ABLIM2: variants seen among roughly 807,000 people sequenced by gnomAD.
ABLIM2 encodes actin-binding LIM protein 2.
In ABLIM2, 53 loss-of-function variants were observed where a neutral mutation model predicts 97.7. That is an observed-to-expected ratio of 0.54 (90% CI 0.44 to 0.68). The LOEUF (loss-of-function observed/expected upper bound fraction) is 0.68. ABLIM2 is among the 30% of genes least tolerant of loss of function. ABLIM2 has a pLI of 0.00. For missense variants in ABLIM2, 835 were observed against 867.2 expected (o/e 0.96, Z 0.47); for synonymous variants, 361 against 345.8 (o/e 1.04, Z -0.49).
intron 12 of ABLIM2, among the ~76,000 whole-genome samples, chr4:8,026,918 G>C (rs1777784266): frequency 1.4e-5 from 2 of 145,798 alleles, no homozygotes; most frequent in Non-Finnish European, 3.0e-5. Flanking sequence ...TTACCTGAGT[G>C]TGTGTGTCTG....
Position 7,992,855 on chromosome 4 carries a change from T to C in ABLIM2, c.1680+11A>G, listed in dbSNP as rs752092614. 2 of 1,611,088 alleles carry C rather than the reference T, an allele frequency of 1.2e-6. No homozygotes were observed. The highest frequency in any genetic ancestry group is 1.7e-6 in the Non-Finnish European group (2 of 1,179,118). ...TTAGTACCCTGTGGCCAGGGAGGGG[T>C]CAGTACCTACCCGCTGGTCCAAGCC... On this transcript the variant is annotated intron_variant, in intron 17 of 20. Coordinates refer to ENST00000447017, the MANE Select transcript of ABLIM2 (RefSeq NM_001130083.2). This position sits in a 1 kb window ranked among gnomAD's most constrained non-coding sequence, Gnocchi z 5.7.
At chr4:8,000,216 T>A (rs1267876485) in intron 16 of ABLIM2, among the ~76,000 whole-genome samples, 1 of 152,092 alleles carries the variant, frequency 6.6e-6, no homozygotes, top group East Asian at 1.9e-4. Context: ...AGCTGCAGAC[T>A]TCAGAAGCAA....
intron 20 of ABLIM2, 71 bp from the exon 21 acceptor site, chr4:7,967,174 TGCC>T: frequency 3.1e-6 from 4 of 1,296,258 alleles, no homozygotes; most frequent in South Asian, 2.4e-5. Flanking sequence ...GGCAGTTTGC[TGCC>T]GCCAAGCAAT....
chr4:7,984,220 C>G (rs1741448888), intron 18 of ABLIM2, among the ~76,000 whole-genome samples: 1 of 152,244 alleles, frequency 6.6e-6, no homozygotes, highest in Non-Finnish European at 1.5e-5. Flanking sequence ...CCGTGTGGTT[C>G]TGGACCTGCT....
At chr4:8,012,552 A>G (rs1417073100) in intron 14 of ABLIM2, among the ~76,000 whole-genome samples, 3 of 130,008 alleles carry the variant, frequency 2.3e-5, no homozygotes, top group Non-Finnish European at 3.2e-5. Flanking sequence ...CCATCTACCC[A>G]CTCACCCATC....
In ABLIM2 at chr4:8,060,282, C is replaced by T. The variant is rs185644819; in HGVS notation, c.763+685G>A. On this transcript the variant is annotated intron_variant, in intron 7 of 20. Transcript: ENST00000447017. Reference sequence around the variant, plus strand: ...AGGGTTAATCTGGGAGGAGGAGAGACGACCAGTCCTCAAGTCTCGCCCTTT... The same window carrying T: ...AGGGTTAATCTGGGAGGAGGAGAGATGACCAGTCCTCAAGTCTCGCCCTTT... Among the ~76,000 whole-genome samples, 142 of 152,294 alleles carry T rather than the reference C, an allele frequency of 9.3e-4. 2 individuals carry two copies. In the East Asian group the frequency reaches 0.02, roughly 22 times the overall value.
At chr4:7,980,947 T>C (rs529494019) in intron 20 of ABLIM2, among the ~76,000 whole-genome samples, 2 of 124,880 alleles carry the variant, frequency 1.6e-5, no homozygotes, top group African/African-American at 6.4e-5. Flanking sequence ...CCTTATTTTT[T>C]TTTTTTTTTT....
intron 4 of ABLIM2, among the ~76,000 whole-genome samples, chr4:8,084,279 G>A (rs1010222902): frequency 7.2e-5 from 11 of 152,172 alleles, no homozygotes; most frequent in Non-Finnish European, 1.5e-4. Flanking sequence ...CCCAGAGCGG[G>A]ACGGGGGCTC....
intron 14 of ABLIM2, 60 bp from the exon 15 acceptor site, chr4:8,009,162 A>G: frequency 6.3e-7 from 1 of 1,590,862 alleles, no homozygotes; most frequent in Non-Finnish European, 8.6e-7. Flanking sequence ...TTTCTGCCTC[A>G]TGGTTTCCCA....
intron 1 of ABLIM2, among the ~76,000 whole-genome samples, chr4:8,154,242 G>A (rs1394014679): frequency 6.8e-5 from 10 of 148,064 alleles, no homozygotes; most frequent in Admixed American, 2.0e-4. Flanking sequence ...GATTACAGGC[G>A]TGAGCCACCG....
chr4:8,029,783 G>A lies in ABLIM2; in HGVS notation c.1048-7C>T. ...ACCGGTCATCCTGATCCCCCTGGGA[G>A]GGAAGATGCAGCTTGTGAACACTGG... On this transcript the variant is annotated splice_polypyrimidine_tract_variant and splice_region_variant and intron_variant, in intron 10 of 20. Transcript: ENST00000447017. 5 of 1,568,842 alleles carry A rather than the reference G, an allele frequency of 3.2e-6. No homozygotes were observed. In the South Asian group the frequency reaches 3.5e-5, roughly 11 times the overall value.
chr4:8,000,005 G>C (rs776710787), intron 16 of ABLIM2, among the ~76,000 whole-genome samples: 4 of 152,310 alleles, frequency 2.6e-5, no homozygotes, highest in Admixed American at 1.3e-4. Context: ...CAGCATCCGG[G>C]TCTGCTTTGT....
rs142273257 is a variant in ABLIM2 at position 8,044,949 on chromosome 4, G to A, written c.900+215C>T. 1.5e-3 allele frequency among the ~76,000 whole-genome samples: 236 copies of A among 152,326 alleles called. 1 individual carries two copies. The highest frequency in any genetic ancestry group is 2.7e-3 in the Non-Finnish European group (182 of 68,030). On this transcript the variant is annotated intron_variant, in intron 9 of 20. Transcript: ENST00000447017. This position sits in a 1 kb window ranked among gnomAD's most constrained non-coding sequence, Gnocchi z 4.4. Reference sequence around the variant, plus strand: ...GATAATTGGGGACAGGTTCCCAGGGGAATTGCCGGGTCAAACAAACATGTC... The same window carrying A: ...GATAATTGGGGACAGGTTCCCAGGGAAATTGCCGGGTCAAACAAACATGTC...
Position 8,044,687 on chromosome 4 carries a change from C to CTG in ABLIM2, c.900+476_900+477insCA, listed in dbSNP as rs1791078639. Among the ~76,000 whole-genome samples, 2 of 151,132 alleles carry CTG rather than the reference C, an allele frequency of 1.3e-5. No individual in the cohort carries two copies. The highest frequency in any genetic ancestry group is 2.4e-5 in the African/African-American group (1 of 40,840). On this transcript the variant is annotated intron_variant, in intron 9 of 20. Coordinates refer to ENST00000447017, the MANE Select transcript of ABLIM2 (RefSeq NM_001130083.2). This position sits in a 1 kb window ranked among gnomAD's most constrained non-coding sequence, Gnocchi z 4.4. ...ACACAGAGTCTCTCTCTCTCTCTCTCTCTCGAACGAACGAAAACGGGATCA... is the reference window on the plus strand; with the variant it reads ...ACACAGAGTCTCTCTCTCTCTCTCTCTGTCTCGAACGAACGAAAACGGGATCA...
Position 8,120,211 on chromosome 4 carries a change from C to T in ABLIM2, c.11-13574G>A, listed in dbSNP as rs1356961412. ...ACGTGGCAGGAAGCAAGAGCGGTGC[C>T]AGCGGGGAGCTCGAGCCATCTCTGT... On this transcript the variant is annotated intron_variant, in intron 1 of 20. Transcript: ENST00000447017. This position sits in a 1 kb window ranked among gnomAD's most constrained non-coding sequence, Gnocchi z 5.6. Among the ~76,000 whole-genome samples, 1 of 152,180 alleles carries T rather than the reference C, an allele frequency of 6.6e-6. No individual in the cohort carries two copies. The highest frequency in any genetic ancestry group is 2.4e-5 in the African/African-American group (1 of 41,454).
chr4:8,062,658 C>T (rs934735826), intron 6 of ABLIM2, among the ~76,000 whole-genome samples: 4 of 152,030 alleles, frequency 2.6e-5, no homozygotes, highest in Non-Finnish European at 5.9e-5. Context: ...CCAGGATGGT[C>T]TCGATCTCCT....
In ABLIM2 at chr4:8,001,949, C is replaced by T. The variant is rs1757520492; in HGVS notation, c.1618+6110G>A. ...GTGCTCTCTCTCTCTTTTTCTTGCT[C>T]TCTCTCCTCCCAGCATTTTGCTGAG... On this transcript the variant is annotated intron_variant, in intron 16 of 20. Coordinates refer to ENST00000447017, the MANE Select transcript of ABLIM2 (RefSeq NM_001130083.2). This position sits in a 1 kb window ranked among gnomAD's most constrained non-coding sequence, Gnocchi z 4.2. Among the ~76,000 whole-genome samples the T allele has an allele frequency of 6.6e-6, 1 of 152,232 alleles. No homozygotes were observed.
chr4:8,111,572 A>T (rs758393090), intron 1 of ABLIM2, among the ~76,000 whole-genome samples: 1 of 152,148 alleles, frequency 6.6e-6, no homozygotes, highest in Non-Finnish European at 1.5e-5. Context: ...GCACATCGGA[A>T]CTCTCTGTGT....
At chr4:8,065,589 C>T (rs1806566499) in intron 6 of ABLIM2, among the ~76,000 whole-genome samples, 1 of 152,136 alleles carries the variant, frequency 6.6e-6, no homozygotes. Flanking sequence ...AGGAAATTCA[C>T]TCTTTGGCAT....
Sources: gnomAD v4.1 joint callset for allele counts (sites outside exome capture counted in the v4.1 genomes callset) on GRCh38, gnomAD v4.1.1 for gene constraint, Gnocchi (gnomAD v3.1) non-coding constraint, MANE v1.5 for transcripts, NCBI Gene and HGNC (gene_info 2026-07-23, HGNC 2026-07-21) for gene names.